The following PLCXD3 variants were observed in gnomAD, a reference collection of about 807,000 sequenced individuals.
PLCXD3 encodes phosphatidylinositol specific phospholipase C X domain containing 3.
In PLCXD3, 19 loss-of-function variants were observed where a neutral mutation model predicts 25.5. The ratio of observed to expected loss-of-function variants is 0.75; its 90% CI spans 0.52 to 1.09. The LOEUF (loss-of-function observed/expected upper bound fraction) is 1.09. Ranked by LOEUF, PLCXD3 falls within the 50% of genes least tolerant of loss-of-function variation. The pLI, the probability that PLCXD3 is intolerant of heterozygous loss-of-function variation, is 0.00. For synonymous variants in PLCXD3, 174 were observed against 137.6 expected (o/e 1.26, Z -1.85); for missense variants, 411 against 388.1 (o/e 1.06, Z -0.50).
intron 1 of PLCXD3, among the ~76,000 whole-genome samples, chr5:41,486,938 C>G (rs1027745139): frequency 4.0e-5 from 6 of 151,834 alleles, no homozygotes; most frequent in African/African-American, 9.7e-5. Context: ...CATGAATCCC[C>G]CAACCGTTTT....
intron 2 of PLCXD3, among the ~76,000 whole-genome samples, chr5:41,354,865 C>A (rs531946643): frequency 6.6e-6 from 1 of 152,306 alleles, no homozygotes; most frequent in South Asian, 2.1e-4. Context: ...CCTCAAATTT[C>A]TTAGCATGAA....
In PLCXD3 at chr5:41,334,806, A is replaced by C. The variant is rs934999374; in HGVS notation, c.813-21036T>G. Among the ~76,000 whole-genome samples the C allele has an allele frequency of 7.9e-5, 12 of 152,238 alleles. No homozygotes were observed. The East Asian group carries it at 2.1e-3, about 27-fold the overall frequency. On this transcript the variant is annotated intron_variant, in intron 2 of 2. Coordinates refer to ENST00000377801, the MANE Select transcript of PLCXD3 (RefSeq NM_001005473.3). Reference sequence around the variant, plus strand: ...TAAAATGCACTCTGTCCTCAGGCTCATCGTTTGCTCCAAGTCAGGGTTTCA... The same window carrying C: ...TAAAATGCACTCTGTCCTCAGGCTCCTCGTTTGCTCCAAGTCAGGGTTTCA...
intron 1 of PLCXD3, among the ~76,000 whole-genome samples, chr5:41,384,365 T>A (rs1242436714): frequency 1.3e-5 from 2 of 152,096 alleles, no homozygotes; most frequent in African/African-American, 2.4e-5. Flanking sequence ...AAGAAGTGTG[T>A]CTACAGATAG....
In PLCXD3 at chr5:41,425,766, T is replaced by C. The variant is rs528759771; in HGVS notation, c.104-43232A>G. Among the ~76,000 whole-genome samples, 37 of 152,312 alleles carry C rather than the reference T, an allele frequency of 2.4e-4. 1 individual carries two copies. Among genetic ancestry groups the C allele is most frequent in the Admixed American group, 2.3e-3 (35 of 15,292 alleles). On this transcript the variant is annotated intron_variant, in intron 1 of 2. Coordinates refer to ENST00000377801, the MANE Select transcript of PLCXD3 (RefSeq NM_001005473.3). Reference sequence around the variant, plus strand: ...TTTTGTACTGGCTTCTTTCCCTTAGTAATATGCATCTAAGTTTCTTCGATG... The same window carrying C: ...TTTTGTACTGGCTTCTTTCCCTTAGCAATATGCATCTAAGTTTCTTCGATG...
chr5:41,338,138 G>A (rs1048198837), intron 2 of PLCXD3, among the ~76,000 whole-genome samples: 2 of 152,078 alleles, frequency 1.3e-5, no homozygotes, highest in African/African-American at 4.8e-5. Flanking sequence ...GTCTGAAAAT[G>A]TCTTTAAGAC....
intron 2 of PLCXD3, among the ~76,000 whole-genome samples, chr5:41,337,546 G>A (rs1744020137): frequency 6.6e-6 from 1 of 152,140 alleles, no homozygotes; most frequent in Non-Finnish European, 1.5e-5. Flanking sequence ...GCCAAATTCA[G>A]AAATTTCACT....
chr5:41,360,986 C>T (rs778602287), intron 2 of PLCXD3, among the ~76,000 whole-genome samples: 1 of 151,962 alleles, frequency 6.6e-6, no homozygotes, highest in Non-Finnish European at 1.5e-5. Flanking sequence ...TGATTTTTGT[C>T]TTCTGCTACC....
At chr5:41,321,416 C>T (rs1445630006) in intron 2 of PLCXD3, among the ~76,000 whole-genome samples, 2 of 151,304 alleles carry the variant, frequency 1.3e-5, no homozygotes, top group African/African-American at 2.4e-5. Context: ...ATCTATAAAA[C>T]ACTGATGAAA....
chr5:41,355,050 C>T (rs1744579193), intron 2 of PLCXD3, among the ~76,000 whole-genome samples: 1 of 152,094 alleles, frequency 6.6e-6, no homozygotes, highest in Non-Finnish European at 1.5e-5. Flanking sequence ...AAAAATCTTC[C>T]ATCTGAATAT....
chr5:41,374,213 G>A (rs1745211468), intron 2 of PLCXD3, among the ~76,000 whole-genome samples: 1 of 152,102 alleles, frequency 6.6e-6, no homozygotes, highest in Admixed American at 6.6e-5. Context: ...GGGCTCACTT[G>A]AGTCTGTTAA....
intron 1 of PLCXD3, among the ~76,000 whole-genome samples, chr5:41,487,563 T>C (rs1748546168): frequency 1.3e-5 from 2 of 152,296 alleles, no homozygotes; most frequent in South Asian, 2.1e-4. Flanking sequence ...ACAAATAAAG[T>C]AGTTATTCAT....
intron 1 of PLCXD3, among the ~76,000 whole-genome samples, chr5:41,496,075 T>A (rs1318338699): frequency 3.3e-5 from 5 of 151,934 alleles, no homozygotes; most frequent in Non-Finnish European, 7.4e-5. Flanking sequence ...ATAACTGAAC[T>A]GAAAAAATCC....
At chr5:41,350,036 C>T (rs192036473) in intron 2 of PLCXD3, among the ~76,000 whole-genome samples, 24 of 152,104 alleles carry the variant, frequency 1.6e-4, no homozygotes, top group Admixed American at 3.9e-4. Flanking sequence ...TGGATGACTC[C>T]GCAATGGGTG....
intron 2 of PLCXD3, among the ~76,000 whole-genome samples, chr5:41,364,513 T>C (rs1034834834): frequency 6.6e-6 from 1 of 152,216 alleles, no homozygotes; most frequent in African/African-American, 2.4e-5. Context: ...GGGTTTGGCA[T>C]CTTAAAAGCC....
chr5:41,461,672 G>C (rs1242199718), intron 1 of PLCXD3, among the ~76,000 whole-genome samples: 1 of 151,892 alleles, frequency 6.6e-6, no homozygotes, highest in Non-Finnish European at 1.5e-5. Context: ...GAGAGAGAAA[G>C]GGGTGGTAAC....
intron 1 of PLCXD3, among the ~76,000 whole-genome samples, chr5:41,446,357 C>G (rs907590698): frequency 6.6e-6 from 1 of 151,626 alleles, no homozygotes; most frequent in African/African-American, 2.4e-5. Flanking sequence ...ACATTCATAC[C>G]AAAGCCATTA....
chr5:41,342,263 C>T (rs1234925547), intron 2 of PLCXD3, among the ~76,000 whole-genome samples: 1 of 152,156 alleles, frequency 6.6e-6, no homozygotes, highest in Non-Finnish European at 1.5e-5. Context: ...TGGTTACTGC[C>T]TGCCAGGCAC....
At chr5:41,375,745 T>A (rs1302600466) in intron 2 of PLCXD3, among the ~76,000 whole-genome samples, 1 of 152,132 alleles carries the variant, frequency 6.6e-6, no homozygotes, top group African/African-American at 2.4e-5. Flanking sequence ...CCCCTAGACC[T>A]GACTCTGCCT....
At chr5:41,347,194 C>T (rs1237834204) in intron 2 of PLCXD3, among the ~76,000 whole-genome samples, 1 of 152,108 alleles carries the variant, frequency 6.6e-6, no homozygotes, top group Non-Finnish European at 1.5e-5. Context: ...GGATTTTAGC[C>T]ATTCAAAGTC....
Sources: allele counts gnomAD v4.1 joint callset (sites outside exome capture counted in the v4.1 genomes callset), GRCh38; gene constraint gnomAD v4.1.1; transcripts MANE v1.5; gene names NCBI Gene and HGNC (gene_info 2026-07-23, HGNC 2026-07-21).